The following PSD2 variants were observed in gnomAD, a reference collection of about 807,000 sequenced individuals.
The protein encoded by PSD2 is PH and SEC7 domain-containing protein 2.
A neutral mutation model predicts 69.8 loss-of-function variants in PSD2; 38 were observed. That is an observed-to-expected ratio of 0.54 (90% CI 0.42 to 0.71). PSD2 has a LOEUF of 0.71. PSD2 is among the 30% of genes least tolerant of loss of function. The pLI is 0.00. For synonymous variants in PSD2, 412 were observed against 423.0 expected (o/e 0.97, Z 0.32); for missense variants, 943 against 1,014.5 (o/e 0.93, Z 0.96).
At chr5:139,819,301 T>A (rs1760198651) in intron 5 of PSD2, among the ~76,000 whole-genome samples, 1 of 151,550 alleles carries the variant, frequency 6.6e-6, no homozygotes, top group Non-Finnish European at 1.5e-5. Context: ...GCCCTCGGAG[T>A]TTTCTACTGG....
chr5:139,765,172 GC>G, the PSD2 span, among the ~76,000 whole-genome samples: 1 of 151,940 alleles, frequency 6.6e-6, no homozygotes, highest in Non-Finnish European at 1.5e-5. Flanking sequence ...CCCACTCAGT[GC>G]CCCTTCTGCT....
chr5:139,753,250 A>G, the PSD2 span, among the ~76,000 whole-genome samples: 2 of 152,208 alleles, frequency 1.3e-5, no homozygotes, highest in African/African-American at 4.8e-5. Context: ...GGACTTGCCC[A>G]GTGAGCTGGG....
At chr5:139,820,998 C>A (rs891948438) in intron 5 of PSD2, among the ~76,000 whole-genome samples, 1 of 151,668 alleles carries the variant, frequency 6.6e-6, no homozygotes, top group Non-Finnish European at 1.5e-5. Flanking sequence ...AATGGTGCGA[C>A]CTTGGCTCAC....
chr5:139,813,390 G>A lies in PSD2; in HGVS notation c.453G>A (p.Arg151=). 6.2e-7 allele frequency: 1 copy of A among 1,607,958 alleles called. No individual in the cohort carries two copies. Among genetic ancestry groups the A allele is most frequent in the South Asian group, 1.1e-5 (1 of 90,852 alleles). Residue 151 remains arginine, a synonymous_variant, in exon 3 of 15, where the codon CGG becomes CGA. Coordinates refer to ENST00000274710, the MANE Select transcript of PSD2 (RefSeq NM_032289.4). ...FEKILESELL[R]GTQYSSLDSL... ...AGATTCTGGAGTCAGAGCTGCTGCG[G>A]GGCACCCAGTACAGCAGCCTCGACT...
chr5:139,805,109 C>T (rs1759773060), intron 1 of PSD2, among the ~76,000 whole-genome samples: 2 of 152,174 alleles, frequency 1.3e-5, no homozygotes, highest in African/African-American at 4.8e-5. Flanking sequence ...TGTGCCTACC[C>T]ATACCTGTAT....
In PSD2 at chr5:139,813,357, G is replaced by T; in HGVS notation, c.420G>T (p.Thr140=). Residue 140 remains threonine, a synonymous_variant, in exon 3 of 15, where the codon ACG becomes ACT. Transcript: ENST00000274710. The stretch of plus-strand genomic sequence containing the variant: ...ATGTGCGGGATGGCTTCAGCGCCAC[G>T]TTTGAGAAGATTCTGGAGTCAGAGC... ...EPDVRDGFSA[T]FEKILESELL... The T allele has an allele frequency of 6.3e-7, 1 of 1,588,180 alleles. No individual in the cohort carries two copies. The highest frequency in any genetic ancestry group is 8.6e-7 in the Non-Finnish European group (1 of 1,161,648).
chr5:139,822,093 G>A (rs368472349), intron 6 of PSD2, 88 bp downstream of exon 6: 2 of 769,560 alleles, frequency 2.6e-6, no homozygotes, highest in Non-Finnish European at 2.2e-6. Flanking sequence ...CTGGCACTTC[G>A]GTCCTGTTGC....
intron 9 of PSD2, among the ~76,000 whole-genome samples, chr5:139,836,358 A>T (rs1232321036): frequency 6.6e-6 from 1 of 152,184 alleles, no homozygotes; most frequent in Admixed American, 6.5e-5. Flanking sequence ...CACAGGGAAG[A>T]GCTGGCACTC....
the PSD2 span, among the ~76,000 whole-genome samples, chr5:139,788,261 C>T: frequency 4.6e-5 from 7 of 151,984 alleles, no homozygotes; most frequent in Admixed American, 1.3e-4. Flanking sequence ...GGCTTGGCCG[C>T]TCCTCCCTGG....
chr5:139,765,260 C>G, the PSD2 span, among the ~76,000 whole-genome samples: 3 of 152,136 alleles, frequency 2.0e-5, no homozygotes, highest in Non-Finnish European at 2.9e-5. Context: ...CCAGTGCCTA[C>G]GCAGTGGTAC....
At chr5:139,820,063 A>G in intron 5 of PSD2, among the ~76,000 whole-genome samples, 1 of 152,070 alleles carries the variant, frequency 6.6e-6, no homozygotes, top group East Asian at 1.9e-4. Context: ...GCAGAGGGGA[A>G]AGGTCGGTGT....
chr5:139,813,671 A>G lies in PSD2; in HGVS notation c.734A>G (p.Asn245Ser), dbSNP rs201614980. ...CGCCTGTCTCTCATGGCCATGCCCA[A>G]TGGATTCCATGAAGATGGCCCTCAG... ...LSRLSLMAMP[N>S]GFHEDGPQGP... Residue 245 changes from asparagine (N) to serine (S), a missense_variant, in exon 3 of 15, where the codon AAT (asparagine) becomes AGT (serine). Asn to Ser is a conservative substitution (Grantham distance 46). Transcript: ENST00000274710. 4.4e-5 allele frequency: 71 copies of G among 1,613,934 alleles called. No homozygotes were observed. In the East Asian group the frequency reaches 8.9e-4, roughly 20 times the overall value.
chr5:139,810,771 A>G (rs1465504213), intron 2 of PSD2, among the ~76,000 whole-genome samples: 1 of 152,176 alleles, frequency 6.6e-6, no homozygotes, highest in Non-Finnish European at 1.5e-5. Flanking sequence ...GGCAGGGCCT[A>G]GGGCAGCCCC....
upstream of PSD2, among the ~76,000 whole-genome samples, chr5:139,795,474 C>T (rs1759494959): frequency 6.6e-6 from 1 of 152,266 alleles, no homozygotes; most frequent in East Asian, 1.9e-4. This position sits in a 1 kb window ranked among gnomAD's most constrained non-coding sequence, Gnocchi z 4.5. Context: ...GTGGGTCCTG[C>T]CTGGAGGGCG....
At chr5:139,789,386 C>A in the PSD2 span, among the ~76,000 whole-genome samples, 3 of 152,202 alleles carry the variant, frequency 2.0e-5, no homozygotes, top group Non-Finnish European at 4.4e-5. Context: ...ACTGAAGTAG[C>A]CCTACCCACC....
intron 2 of PSD2, among the ~76,000 whole-genome samples, chr5:139,810,427 A>T (rs1759928628): frequency 6.6e-6 from 1 of 152,198 alleles, no homozygotes; most frequent in Admixed American, 6.5e-5. Context: ...GGACTGAGAA[A>T]AGAAAGCATT....
chr5:139,817,416 C>G, intron 4 of PSD2, 65 bp from the exon 5 acceptor site: 2 of 1,448,664 alleles, frequency 1.4e-6, no homozygotes. Context: ...CCAAGTAATG[C>G]CTGTGATTCT....
intron 8 of PSD2, among the ~76,000 whole-genome samples, chr5:139,835,090 C>T (rs556606505): frequency 6.6e-6 from 1 of 152,018 alleles, no homozygotes; most frequent in East Asian, 1.9e-4. Flanking sequence ...ACTCACCCAT[C>T]CCCCATCACC....
chr5:139,807,537 C>T (rs1946163558), intron 1 of PSD2, among the ~76,000 whole-genome samples: 1 of 152,074 alleles, frequency 6.6e-6, no homozygotes, highest in South Asian at 2.1e-4. Context: ...GGATCAGGGC[C>T]CAGATATTTT....
Sources: gnomAD v4.1 joint callset for allele counts (sites outside exome capture counted in the v4.1 genomes callset) on GRCh38, gnomAD v4.1.1 for gene constraint, Gnocchi (gnomAD v3.1) non-coding constraint, MANE v1.5 for transcripts, NCBI Gene and HGNC (gene_info 2026-07-23, HGNC 2026-07-21) for gene names.